FOXP1: variants seen among roughly 807,000 people sequenced by gnomAD.
FOXP1 encodes forkhead box P1.
FOXP1 carries 15 observed loss-of-function variants against 98.2 expected under a neutral mutation model. That is an observed-to-expected ratio of 0.15 (90% CI 0.10 to 0.24). FOXP1 has a LOEUF of 0.24. Among genes scored for constraint, FOXP1 ranks in the 10% least tolerant of loss-of-function variants. The pLI, the probability that FOXP1 is intolerant of heterozygous loss-of-function variation, is 1.00. For missense variants in FOXP1, 633 were observed against 848.5 expected (o/e 0.75, Z 3.15); for synonymous variants, 371 against 314.5 (o/e 1.18, Z -1.90).
chr3:71,493,219 G>C (rs552796866), intron 3 of FOXP1, among the ~76,000 whole-genome samples: 71 of 152,254 alleles, frequency 4.7e-4, no homozygotes, highest in African/African-American at 1.6e-3. Flanking sequence ...CAAGCCAACA[G>C]AGGAAGTTAT....
intron 16 of FOXP1, 29 bp downstream of exon 16, chr3:70,977,614 G>A (rs1467497963): frequency 6.4e-7 from 1 of 1,555,856 alleles, no homozygotes. Context: ...CCTTCTGACA[G>A]AATTTCATAT....
At chr3:71,533,523 A>G (rs1396638101) in intron 2 of FOXP1, among the ~76,000 whole-genome samples, 1 of 152,220 alleles carries the variant, frequency 6.6e-6, no homozygotes, top group African/African-American at 2.4e-5. Context: ...CTTCTGTTCT[A>G]CAGTAAGCTC....
intron 6 of FOXP1, among the ~76,000 whole-genome samples, chr3:71,119,402 C>T (rs2058598370): frequency 6.6e-6 from 1 of 152,132 alleles, no homozygotes; most frequent in African/African-American, 2.4e-5. Flanking sequence ...CTTCTAATTT[C>T]TTTTCCTAGA....
chr3:71,237,104 C>A (rs866875535), intron 5 of FOXP1, among the ~76,000 whole-genome samples: 1 of 150,052 alleles, frequency 6.7e-6, no homozygotes, highest in South Asian at 2.1e-4. Context: ...TGGTGGTGCA[C>A]GCCTGTAATC....
intron 6 of FOXP1, among the ~76,000 whole-genome samples, chr3:71,192,897 G>A (rs1051792533): frequency 2.0e-5 from 3 of 152,218 alleles, no homozygotes; most frequent in African/African-American, 4.8e-5. Flanking sequence ...GAATCTGCCC[G>A]CCTTGCCCTC....
intron 2 of FOXP1, chr3:71,542,039 G>C: frequency 3.7e-6 from 2 of 533,720 alleles, no homozygotes; most frequent in Non-Finnish European, 7.7e-6. Context: ...TAAAATTTAA[G>C]AAAAGCCAGG....
intron 5 of FOXP1, among the ~76,000 whole-genome samples, chr3:71,232,589 A>C (rs190644592): frequency 2.2e-4 from 33 of 151,626 alleles, no homozygotes; most frequent in Admixed American, 1.9e-3. Flanking sequence ...AAACTCCGAC[A>C]AAAAAAACAA....
chr3:71,210,555 C>G (rs1232186381), intron 5 of FOXP1, among the ~76,000 whole-genome samples: 3 of 152,190 alleles, frequency 2.0e-5, no homozygotes, highest in Non-Finnish European at 4.4e-5. Flanking sequence ...AGGGCTGGAG[C>G]TGTTCTACTG....
chr3:70,974,327 C>A (rs2037033194), intron 17 of FOXP1, among the ~76,000 whole-genome samples: 1 of 151,424 alleles, frequency 6.6e-6, no homozygotes, highest in African/African-American at 2.4e-5. Context: ...GAAACTAGGT[C>A]TTGCTCTGTT....
intron 6 of FOXP1, among the ~76,000 whole-genome samples, chr3:71,182,532 G>A (rs563556704): frequency 4.6e-4 from 51 of 111,576 alleles, no homozygotes; most frequent in East Asian, 9.7e-4. Flanking sequence ...GTGTGTGTGT[G>A]TATATATGTA....
intron 7 of FOXP1, among the ~76,000 whole-genome samples, chr3:71,057,785 G>C (rs1458097722): frequency 6.6e-6 from 1 of 152,058 alleles, no homozygotes; most frequent in South Asian, 2.1e-4. Context: ...GGGTGTGGTC[G>C]ATCCCAGGTG....
At chr3:71,428,630 C>A (rs1018751344) in intron 3 of FOXP1, among the ~76,000 whole-genome samples, 1 of 152,170 alleles carries the variant, frequency 6.6e-6, no homozygotes, top group African/African-American at 2.4e-5. Context: ...AAAGAGGCCC[C>A]CCTATGAAAT....
chr3:70,976,166 C>T (rs780046358), intron 17 of FOXP1, among the ~76,000 whole-genome samples: 3 of 150,772 alleles, frequency 2.0e-5, no homozygotes, highest in Non-Finnish European at 2.9e-5. Flanking sequence ...CGTCCCACCT[C>T]TGCCTCTGGA....
intron 1 of FOXP1, chr3:71,582,043 C>T (rs2048218257): frequency 6.1e-6 from 6 of 982,066 alleles, no homozygotes; most frequent in Admixed American, 6.2e-5. Flanking sequence ...TTTATTTAGT[C>T]CTTATTCTCA....
intron 1 of FOXP1, chr3:71,582,224 G>A: frequency 7.1e-6 from 7 of 985,212 alleles, no homozygotes; most frequent in Non-Finnish European, 8.4e-6. Flanking sequence ...TGGGGAGGGG[G>A]GCTCGTCGAG....
At chr3:71,484,151 C>T (rs1025021465) in intron 3 of FOXP1, among the ~76,000 whole-genome samples, 2 of 152,180 alleles carry the variant, frequency 1.3e-5, no homozygotes, top group African/African-American at 4.8e-5. Context: ...TTTTAATATG[C>T]ATATCCATAG....
chr3:71,074,793 CCA>C (rs2053625706), intron 7 of FOXP1, among the ~76,000 whole-genome samples: 1 of 152,188 alleles, frequency 6.6e-6, no homozygotes, highest in South Asian at 2.1e-4. Context: ...TTACAGGAAT[CCA>C]CAGTGACAAC....
intron 7 of FOXP1, among the ~76,000 whole-genome samples, chr3:71,069,623 C>T (rs546956752): frequency 2.0e-5 from 3 of 152,158 alleles, no homozygotes; most frequent in Non-Finnish European, 2.9e-5. Context: ...CTTCAGATAT[C>T]GGGGGGAAAA....
chr3:71,347,367 A>G (rs868380196), intron 4 of FOXP1, among the ~76,000 whole-genome samples: 3 of 152,328 alleles, frequency 2.0e-5, no homozygotes, highest in Middle Eastern at 3.4e-3. Flanking sequence ...TAATTAAGAT[A>G]AAATAATCAA....
Sources: gnomAD v4.1 joint callset for allele counts (sites outside exome capture counted in the v4.1 genomes callset) on GRCh38, gnomAD v4.1.1 for gene constraint, MANE v1.5 for transcripts, NCBI Gene and HGNC (gene_info 2026-07-23, HGNC 2026-07-21) for gene names.